The following CCSER1 variants were observed in gnomAD, a reference collection of about 807,000 sequenced individuals.
CCSER1 encodes serine-rich coiled-coil domain-containing protein 1.
A neutral mutation model predicts 82.0 loss-of-function variants in CCSER1; 41 were observed. The ratio of observed to expected loss-of-function variants is 0.50; its 90% CI spans 0.39 to 0.65. The LOEUF is 0.65. CCSER1 is among the 30% of genes least tolerant of loss of function. The pLI is 0.00. For missense variants in CCSER1, 1,119 were observed against 1,064.2 expected (o/e 1.05, Z -0.72); for synonymous variants, 414 against 383.9 (o/e 1.08, Z -0.92).
chr4:90,727,754 T>C (rs1743928578), intron 7 of CCSER1, among the ~76,000 whole-genome samples: 1 of 152,224 alleles, frequency 6.6e-6, no homozygotes, highest in Non-Finnish European at 1.5e-5. Flanking sequence ...GTACAATTTA[T>C]CATGAGCCAT....
At chr4:91,119,851 T>C (rs1055051376) in intron 10 of CCSER1, among the ~76,000 whole-genome samples, 6 of 152,198 alleles carry the variant, frequency 3.9e-5, no homozygotes, top group African/African-American at 1.4e-4. Context: ...AGCATATTTT[T>C]TAAAAGAGAA....
In CCSER1 at chr4:91,373,450, T is replaced by C. The variant is rs565161962; in HGVS notation, c.2218-225122T>C. Among the ~76,000 whole-genome samples, 13 of 152,326 alleles carry C rather than the reference T, an allele frequency of 8.5e-5. No individual in the cohort carries two copies. The East Asian group carries it at 2.5e-3, about 29-fold the overall frequency. ...TCTTTCATTATTATTATATCTCTTA[T>C]GGTGATTTGTGATCAGCAATCTTTG... On this transcript the variant is annotated intron_variant, in intron 10 of 10. Transcript: ENST00000509176.
intron 10 of CCSER1, among the ~76,000 whole-genome samples, chr4:91,409,113 A>G (rs1470360729): frequency 6.6e-6 from 1 of 152,206 alleles, no homozygotes; most frequent in Non-Finnish European, 1.5e-5. Flanking sequence ...AGGCAAAGAC[A>G]TTGGCAAAAA....
At chr4:90,202,073 A>G (rs1737811007) in intron 1 of CCSER1, among the ~76,000 whole-genome samples, 1 of 152,186 alleles carries the variant, frequency 6.6e-6, no homozygotes, top group African/African-American at 2.4e-5. Context: ...TATAATAGTA[A>G]TCTTTCAAGA....
intron 5 of CCSER1, among the ~76,000 whole-genome samples, chr4:90,530,502 C>T (rs927137045): frequency 2.6e-5 from 4 of 152,082 alleles, no homozygotes; most frequent in African/African-American, 4.8e-5. Context: ...GAGAGAGTCA[C>T]GTGCAAGGGA....
intron 10 of CCSER1, among the ~76,000 whole-genome samples, chr4:91,354,430 C>T (rs1185261641): frequency 6.6e-6 from 1 of 152,148 alleles, no homozygotes; most frequent in Non-Finnish European, 1.5e-5. Flanking sequence ...TCCACATATC[C>T]AGTATAACCC....
chr4:90,317,730 T>C (rs867320604), intron 3 of CCSER1, among the ~76,000 whole-genome samples: 9 of 152,232 alleles, frequency 5.9e-5, no homozygotes, highest in Admixed American at 4.6e-4. Context: ...GTGGAAGGCA[T>C]TGGGGTTCTG....
intron 8 of CCSER1, among the ~76,000 whole-genome samples, chr4:90,860,682 CATT>C (rs1764981714): frequency 6.6e-6 from 1 of 151,588 alleles, no homozygotes; most frequent in Admixed American, 6.6e-5. Context: ...TACGGTAAAA[CATT>C]ATTCATCCAT....
chr4:91,480,329 G>T (rs1196470996), intron 10 of CCSER1, among the ~76,000 whole-genome samples: 1 of 152,150 alleles, frequency 6.6e-6, no homozygotes, highest in African/African-American at 2.4e-5. Context: ...CTGACTTCCA[G>T]CATGGTTGAA....
intron 6 of CCSER1, among the ~76,000 whole-genome samples, chr4:90,699,979 G>A (rs954847538): frequency 6.6e-6 from 1 of 151,588 alleles, no homozygotes; most frequent in Non-Finnish European, 1.5e-5. Context: ...ATCTGCTTAT[G>A]TCTCAATCTT....
intron 5 of CCSER1, among the ~76,000 whole-genome samples, chr4:90,517,873 T>G (rs749621148): frequency 2.0e-5 from 3 of 152,124 alleles, no homozygotes; most frequent in Non-Finnish European, 2.9e-5. Flanking sequence ...ATCAGATTAA[T>G]CATCCTGGCT....
chr4:90,525,151 A>G lies in CCSER1; in HGVS notation c.1724+56797A>G, dbSNP rs114693633. On this transcript the variant is annotated intron_variant, in intron 5 of 10. Transcript: ENST00000509176. ...AAAGCAAATCTCATCAGAGGCAAAA[A>G]TCAATAGTTTCATATTCAAATAAAA... 2.2e-3 allele frequency among the ~76,000 whole-genome samples: 339 copies of G among 152,246 alleles called. 2 individuals are homozygous for G. The South Asian group carries it at 0.024, about 11-fold the overall frequency.
intron 10 of CCSER1, among the ~76,000 whole-genome samples, chr4:91,143,995 G>A (rs762736375): frequency 1.3e-5 from 2 of 151,976 alleles, no homozygotes; most frequent in Non-Finnish European, 2.9e-5. Context: ...TTTGTACAAT[G>A]TGTTAGAGAT....
intron 6 of CCSER1, among the ~76,000 whole-genome samples, chr4:90,705,847 A>G (rs1739236269): frequency 1.3e-5 from 2 of 152,188 alleles, no homozygotes; most frequent in African/African-American, 4.8e-5. Flanking sequence ...GGTGGGAGTG[A>G]CACAATTTTC....
intron 4 of CCSER1, among the ~76,000 whole-genome samples, chr4:90,442,926 A>G (rs1313574949): frequency 6.6e-6 from 1 of 151,950 alleles, no homozygotes; most frequent in Non-Finnish European, 1.5e-5. Context: ...AAATACAGTA[A>G]TAGCCCCTTA....
chr4:90,913,472 A>G (rs1726769108), intron 8 of CCSER1, among the ~76,000 whole-genome samples: 1 of 152,212 alleles, frequency 6.6e-6, no homozygotes, highest in South Asian at 2.1e-4. Flanking sequence ...GGCCTGCCCT[A>G]CGAGAGCTCC....
intron 6 of CCSER1, among the ~76,000 whole-genome samples, chr4:90,671,604 G>A (rs956083627): frequency 6.6e-6 from 1 of 151,870 alleles, no homozygotes; most frequent in African/African-American, 2.4e-5. Context: ...TTGAAGTCTT[G>A]AACCTTTCAA....
At chr4:90,659,592 T>A (rs922729818) in intron 6 of CCSER1, among the ~76,000 whole-genome samples, 1 of 152,122 alleles carries the variant, frequency 6.6e-6, no homozygotes, top group Non-Finnish European at 1.5e-5. Flanking sequence ...ATAACATTTT[T>A]ATCATTGTGA....
At chr4:90,952,993 C>T (rs1243482560) in intron 9 of CCSER1, among the ~76,000 whole-genome samples, 2 of 151,820 alleles carry the variant, frequency 1.3e-5, no homozygotes, top group Admixed American at 6.6e-5. Context: ...TAATATTGTC[C>T]GTCTTTACCT....
Sources: allele counts gnomAD v4.1 joint callset (sites outside exome capture counted in the v4.1 genomes callset), GRCh38; gene constraint gnomAD v4.1.1; transcripts MANE v1.5; gene names NCBI Gene and HGNC (gene_info 2026-07-23, HGNC 2026-07-21).